Variants in SYT17 observed in about 807,000 individuals in gnomAD.
SYT17 encodes synaptotagmin-17.
In SYT17, 22 loss-of-function variants were observed where a neutral mutation model predicts 46.7. That is an observed-to-expected ratio of 0.47 (90% CI 0.34 to 0.67). SYT17 has a LOEUF of 0.67. Among genes scored for constraint, SYT17 ranks in the 30% least tolerant of loss-of-function variants. The probability of loss-of-function intolerance (pLI) is 0.01; values close to 1 mark genes in which losing one functional copy is unlikely to be tolerated. For synonymous variants in SYT17, 251 were observed against 248.4 expected, an observed-to-expected ratio of 1.01 and a Z score of -0.10; for missense variants, 519 against 612.8, an observed-to-expected ratio of 0.85 and a Z score of 1.62.
At position 19,184,141 on chromosome 16, in the gene SYT17, T is replaced by C. The variant is rs1475061194; in HGVS notation, c.945T>C (p.Ser315=). ...GGHWWKALIP[S]SQNEVELGEL... ...ACTGGTGGAAGGCGCTGATTCCCAG[T>C]TCTCAGGTAAGGGATGGGTTTGTGG... The change falls in exon 5 of 8, where the codon AGT becomes AGC. Residue 315 remains serine (S), a synonymous_variant. Transcript: ENST00000355377. The C allele has an allele frequency of 1.9e-6, 3 of 1,613,358 alleles. No individual in the cohort carries two copies. In the Admixed American group the frequency reaches 5.0e-5, roughly 27 times the overall value.
chr16:19,190,694 G>A (rs1472097133), intron 5 of SYT17, among the ~76,000 whole-genome samples: 1 of 151,996 alleles, frequency 6.6e-6, no homozygotes, highest in Non-Finnish European at 1.5e-5. Flanking sequence ...TCAGGATAAT[G>A]TCTTCAAAGT....
rs183102287 is a variant in SYT17, at chr16:19,196,770, T to G, written c.951+12623T>G. Among the ~76,000 whole-genome samples the G allele has an allele frequency of 2.1e-3, 320 of 152,322 alleles. 2 individuals are homozygous for G. The highest frequency in any genetic ancestry group is 9.7e-4 in the Non-Finnish European group (66 of 68,028). ...ATCCATAATTTACATTAGGATGCTC[T>G]GGGCGTTGTGCATTCTGTGGGTTTG... On this transcript the variant is annotated intron_variant, in intron 5 of 7. Coordinates refer to ENST00000355377, the MANE Select transcript of SYT17 (RefSeq NM_016524.4).
chr16:19,191,291 C>T (rs776908583), intron 5 of SYT17, among the ~76,000 whole-genome samples: 5 of 152,152 alleles, frequency 3.3e-5, no homozygotes, highest in Admixed American at 1.3e-4. Flanking sequence ...ATCCTAACCC[C>T]GAGGGGATGG....
intron 5 of SYT17, among the ~76,000 whole-genome samples, chr16:19,200,995 G>A (rs986508354): frequency 4.6e-5 from 7 of 152,154 alleles, no homozygotes; most frequent in African/African-American, 1.7e-4. Context: ...CTGGGGGGCA[G>A]CTCCGACTCC....
At chr16:19,265,440 C>T (rs553726697) in intron 7 of SYT17, among the ~76,000 whole-genome samples, 4 of 152,276 alleles carry the variant, frequency 2.6e-5, no homozygotes, top group Admixed American at 6.5e-5. Context: ...GGCTTTTGGA[C>T]GATGGATGGA....
At chr16:19,237,748 T>G (rs1966868338) in intron 7 of SYT17, among the ~76,000 whole-genome samples, 1 of 152,210 alleles carries the variant, frequency 6.6e-6, no homozygotes, top group African/African-American at 2.4e-5. Context: ...CAGCTCACCC[T>G]TTAATTCTTT....
At chr16:19,170,755 T>A (rs1181520034) in intron 1 of SYT17, 2 of 152,182 alleles carry the variant, frequency 1.3e-5, no homozygotes. Context: ...TAGATTATTA[T>A]GAAAAAGTAT....
chr16:19,171,841 G>A (rs1281878732), intron 1 of SYT17: 1 of 152,200 alleles, frequency 6.6e-6, no homozygotes, highest in Non-Finnish European at 1.5e-5. Flanking sequence ...CAAGCCTCTG[G>A]ACAAGATCTA....
intron 7 of SYT17, among the ~76,000 whole-genome samples, chr16:19,225,954 A>C (rs975998352): frequency 3.9e-5 from 6 of 152,208 alleles, no homozygotes; most frequent in Non-Finnish European, 5.9e-5. Flanking sequence ...GGATTACACA[A>C]GGGTAGGAAG....
chr16:19,205,959 G>A (rs1281549265), intron 5 of SYT17, among the ~76,000 whole-genome samples: 1 of 151,478 alleles, frequency 6.6e-6, no homozygotes, highest in Admixed American at 6.6e-5. Flanking sequence ...GTTCCCTAGT[G>A]GTACATAATA....
chr16:19,246,700 A>G (rs927754411), intron 7 of SYT17, among the ~76,000 whole-genome samples: 1 of 152,190 alleles, frequency 6.6e-6, no homozygotes, highest in African/African-American at 2.4e-5. Context: ...AGCATCCAAA[A>G]TGTATATGCT....
chr16:19,259,068 T>C (rs953858444), intron 7 of SYT17, among the ~76,000 whole-genome samples: 1 of 152,060 alleles, frequency 6.6e-6, no homozygotes, highest in African/African-American at 2.4e-5. Flanking sequence ...TTCCTAAAAG[T>C]GGAATAGGCA....
At chr16:19,227,289 C>T (rs1381553086) in intron 7 of SYT17, among the ~76,000 whole-genome samples, 40 of 150,518 alleles carry the variant, frequency 2.7e-4, no homozygotes, top group Non-Finnish European at 7.4e-5. Flanking sequence ...TTGTTTATTT[C>T]AGAGTGTTTT....
chr16:19,234,044 T>C (rs1169790500), intron 7 of SYT17, among the ~76,000 whole-genome samples: 2 of 152,154 alleles, frequency 1.3e-5, no homozygotes, highest in Admixed American at 1.3e-4. Flanking sequence ...TTTTGGCCAT[T>C]CACAGTGGTT....
intron 5 of SYT17, among the ~76,000 whole-genome samples, chr16:19,186,269 C>T (rs1037722465): frequency 6.6e-6 from 1 of 151,586 alleles, no homozygotes; most frequent in Non-Finnish European, 1.5e-5. Context: ...TTGAGCCCAA[C>T]AGTTCGAGAC....
At chr16:19,217,349 C>T (rs943000521) in intron 5 of SYT17, among the ~76,000 whole-genome samples, 3 of 152,082 alleles carry the variant, frequency 2.0e-5, no homozygotes, top group African/African-American at 7.2e-5. Flanking sequence ...AAAGGAGACC[C>T]TGTATCCATT....
rs1025151512 is a variant in SYT17 at position 19,172,262 on chromosome 16, C to T, written c.16-498C>T. 8 of 1,072,412 alleles carry T rather than the reference C, an allele frequency of 7.5e-6. No individual in the cohort carries two copies. In the African/African-American group the frequency reaches 1.2e-4, roughly 15 times the overall value. The allele number at this position is 1,072,412 out of a possible 1,614,324, so 66.4% of individuals were successfully genotyped here. A position where few individuals can be genotyped will look rare whatever the true frequency, so the allele number is the denominator to read the frequency against. ...TCTATTTGTGGGTGGTGATAGGAAA[C>T]ACCCCACCATCACCATTGGAGCAGA... is the stretch of plus-strand genomic sequence containing the variant. On this transcript the variant is annotated intron_variant, in intron 1 of 7. Transcript: ENST00000355377.
chr16:19,251,214 A>T (rs1458020857), intron 7 of SYT17, among the ~76,000 whole-genome samples: 1 of 152,044 alleles, frequency 6.6e-6, no homozygotes, highest in Non-Finnish European at 1.5e-5. Flanking sequence ...AGGAGTTGCA[A>T]CTCACTCATA....
At chr16:19,263,909 A>G (rs1284134337) in intron 7 of SYT17, among the ~76,000 whole-genome samples, 1 of 152,224 alleles carries the variant, frequency 6.6e-6, no homozygotes, top group Non-Finnish European at 1.5e-5. Flanking sequence ...TGGTCTGAAT[A>G]GTTGTCCCCC....
Sources: gnomAD v4.1 joint callset for allele counts (sites outside exome capture counted in the v4.1 genomes callset) on GRCh38, gnomAD v4.1.1 for gene constraint, MANE v1.5 for transcripts, NCBI Gene and HGNC (gene_info 2026-07-23, HGNC 2026-07-21) for gene names.